Variants in L3MBTL2 observed in about 807,000 individuals in gnomAD.
L3MBTL2 encodes the protein lethal(3)malignant brain tumor-like protein 2.
In L3MBTL2, 49 loss-of-function variants were observed where a neutral mutation model predicts 86.4. That is an observed-to-expected ratio of 0.57 (90% confidence interval 0.45 to 0.72). L3MBTL2 has a LOEUF of 0.72. L3MBTL2 is among the 30% of genes least tolerant of loss of function. The pLI, the probability that L3MBTL2 is intolerant of heterozygous loss-of-function variation, is 0.00. For missense variants in L3MBTL2, 755 were observed against 923.7 expected (o/e 0.82, Z 2.37); for synonymous variants, 336 against 350.6 (o/e 0.96, Z 0.47).
chr22:41,214,205 A>T (rs2031146442), intron 3 of L3MBTL2, 179 bp downstream of exon 3: 3 of 607,540 alleles, frequency 4.9e-6, no homozygotes, highest in Non-Finnish European at 8.5e-6. Context: ...TTTTTAAATT[A>T]TAGGTTCCTG....
intron 15 of L3MBTL2, among the ~76,000 whole-genome samples, chr22:41,229,077 G>C (rs957400383): frequency 1.3e-5 from 2 of 152,046 alleles, no homozygotes; most frequent in Admixed American, 6.6e-5. Context: ...GGGCAACATA[G>C]CGAGACCCCT....
At chr22:41,226,796 C>T (rs770163537) in intron 13 of L3MBTL2, 52 bp downstream of exon 13, 1 of 1,260,838 alleles carries the variant, frequency 7.9e-7, no homozygotes, top group Non-Finnish European at 1.1e-6. Context: ...AGGACAGGCC[C>T]TGCCTGCTGC....
In L3MBTL2 at chr22:41,209,878, G is replaced by A; in HGVS notation, c.207G>A (p.Leu69=). The change falls in exon 2 of 17, where the codon CTG becomes CTA. Residue 69 remains leucine, a synonymous_variant. Transcript: ENST00000216237. ...CAGGGGAACTGCCGACCTCCCCGCT[G>A]CATTTGCTCAGCCCTGGGACTCCTC... ...REAGELPTSP[L]HLLSPGTPRS... The A allele has an allele frequency of 6.2e-7, 1 of 1,614,120 alleles. No individual in the cohort carries two copies. The highest frequency in any genetic ancestry group is 8.5e-7 in the Non-Finnish European group (1 of 1,179,996).
intron 12 of L3MBTL2, 117 bp from the exon 13 acceptor site, chr22:41,226,545 G>T: frequency 1.3e-6 from 1 of 752,384 alleles, no homozygotes; most frequent in South Asian, 1.4e-5. Flanking sequence ...GGCTGCTGGG[G>T]AGACTCCATG....
chr22:41,213,731 T>A, intron 2 of L3MBTL2, 162 bp from the exon 3 acceptor site: 1 of 733,438 alleles, frequency 1.4e-6, no homozygotes, highest in Middle Eastern at 4.0e-4. Context: ...AGATTCAGGA[T>A]ATACACACCA....
At chr22:41,210,143 CTTTT>C (rs869292228) in intron 2 of L3MBTL2, 559 of 162,338 alleles carry the variant, frequency 3.4e-3, no homozygotes, top group South Asian at 7.6e-3. Context: ...AGTCTAATTT[CTTTT>C]TTTTTTTTTT....
At chr22:41,207,342 CAA>C (rs1449434634) in intron 1 of L3MBTL2, among the ~76,000 whole-genome samples, 1 of 148,298 alleles carries the variant, frequency 6.7e-6, no homozygotes, top group Non-Finnish European at 1.5e-5. Flanking sequence ...CTCCCTGGCT[CAA>C]GAGTTCCTCC....
intron 2 of L3MBTL2, among the ~76,000 whole-genome samples, chr22:41,210,893 G>A (rs1474655032): frequency 1.3e-5 from 2 of 152,224 alleles, no homozygotes; most frequent in Non-Finnish European, 2.9e-5. Context: ...TTCCAACGTG[G>A]ATGTTGAGAA....
At position 41,216,125 on chromosome 22, in the gene L3MBTL2, GTCC is replaced by G. The variant is rs1569141827; in HGVS notation, c.397-8_397-6del. 2 of 1,608,962 alleles carry G rather than the reference GTCC, an allele frequency of 1.2e-6. No individual in the cohort carries two copies. The highest frequency in any genetic ancestry group is 1.1e-5 in the South Asian group (1 of 90,202). ...AGCCGCCAGGCTACACATAGCCTCT[GTCC>G]TCCTCTCCAGGGAAAACCACCGACC... is the stretch of plus-strand genomic sequence containing the variant. On this transcript the variant is annotated splice_polypyrimidine_tract_variant and intron_variant, in intron 3 of 16. Transcript: ENST00000216237.
At chr22:41,230,079 G>GGGCCC in intron 16 of L3MBTL2, 60 bp from the exon 17 acceptor site, 3 of 532,748 alleles carry the variant, frequency 5.6e-6, no homozygotes, top group Non-Finnish European at 5.9e-6. Context: ...CAGCTCCTCC[G>GGGCCC]CCCCCACCCC....
At chr22:41,228,282 C>G (rs2032331090) in intron 15 of L3MBTL2, 2 of 985,312 alleles carry the variant, frequency 2.0e-6, no homozygotes, top group Non-Finnish European at 2.4e-6. Flanking sequence ...ACCTCGAGAC[C>G]TCTTTGAGGG....
chr22:41,231,216 C>A lies in L3MBTL2; in HGVS notation c.*965C>A, dbSNP rs914084253. ...AGGACACATCTAGCTGCCATTGCAA[C>A]CTCACTGGGCTCCCCAGACTCTGTG... On this transcript the variant is annotated 3_prime_UTR_variant, in exon 17 of 17. Transcript: ENST00000216237. The A allele has an allele frequency of 2.0e-5, 3 of 152,214 alleles. No individual in the cohort carries two copies. Among genetic ancestry groups the A allele is most frequent in the African/African-American group, 7.2e-5 (3 of 41,436 alleles). 9.4% of individuals were successfully genotyped at this position (152,214 alleles called of 1,614,324 possible).
At chr22:41,228,299 A>G (rs938762249) in intron 15 of L3MBTL2, 1 of 908,200 alleles carries the variant, frequency 1.1e-6, no homozygotes, top group Non-Finnish European at 1.3e-6. Flanking sequence ...AGGGTGGGAG[A>G]GGGTGGGAGC....
At chr22:41,215,022 G>C (rs1244813830) in intron 3 of L3MBTL2, among the ~76,000 whole-genome samples, 1 of 151,982 alleles carries the variant, frequency 6.6e-6, no homozygotes, top group Non-Finnish European at 1.5e-5. Context: ...TTGATGCTTG[G>C]GTCCTACTCC....
chr22:41,205,414 G>A, intron 1 of L3MBTL2, 28 bp downstream of exon 1: 1 of 1,613,850 alleles, frequency 6.2e-7, no homozygotes, highest in Non-Finnish European at 8.5e-7. Flanking sequence ...TAGCGTGACT[G>A]GGAAAGGGAA....
At chr22:41,230,076 T>TCCACCCCC in intron 16 of L3MBTL2, 63 bp from the exon 17 acceptor site, 1 of 912,386 alleles carries the variant, frequency 1.1e-6, no homozygotes, top group South Asian at 1.6e-5. Flanking sequence ...TCCCAGCTCC[T>TCCACCCCC]CCGCCCCCAC....
rs1363671953 is a variant in L3MBTL2, at chr22:41,227,076, T to C, written c.1588-13T>C. ...CTGACTGGCTTGGCCACTGCCTCCT[T>C]TTTCTGCCCCAGGATTGCCCAAACC... On this transcript the variant is annotated splice_polypyrimidine_tract_variant and intron_variant, in intron 13 of 16. Coordinates refer to ENST00000216237, the MANE Select transcript of L3MBTL2 (RefSeq NM_031488.5). This position sits in a 1 kb window ranked among gnomAD's most constrained non-coding sequence, Gnocchi z 6.0. 1.8e-5 allele frequency: 29 copies of C among 1,600,984 alleles called. No individual in the cohort carries two copies. The highest frequency in any genetic ancestry group is 2.5e-5 in the Non-Finnish European group (29 of 1,174,238).
At chr22:41,219,812 G>A (rs1467809337) in intron 6 of L3MBTL2, among the ~76,000 whole-genome samples, 1 of 152,136 alleles carries the variant, frequency 6.6e-6, no homozygotes, top group Non-Finnish European at 1.5e-5. Flanking sequence ...CACGATCTCG[G>A]CTCACTGCAA....
At position 41,229,607 on chromosome 22, in the gene L3MBTL2, C is replaced by G. The variant is rs112599077; in HGVS notation, c.1956C>G (p.Asp652Glu). The part of the protein sequence containing the change: ...RQGSKKPLLE[D>E]DPQGARKISS... The stretch of plus-strand genomic sequence containing the variant: ...GGTCCAAGAAGCCCCTGCTGGAGGA[C>G]GACCCTCAGGGTGCCAGGAAGATCT... The change falls in exon 16 of 17, where the codon GAC becomes GAG. Residue 652 changes from aspartate (D) to glutamate (E), a missense_variant. This residue lies in a region of L3MBTL2 where 634 missense variants were observed against 748.9 expected (regional missense o/e 0.85). Coordinates refer to ENST00000216237, the MANE Select transcript of L3MBTL2 (RefSeq NM_031488.5). 6.2e-7 allele frequency: 1 copy of G among 1,613,810 alleles called. No homozygotes were observed. The highest frequency in any genetic ancestry group is 8.5e-7 in the Non-Finnish European group (1 of 1,179,836).
Sources: gnomAD v4.1 joint callset for allele counts (sites outside exome capture counted in the v4.1 genomes callset) on GRCh38, gnomAD v4.1.1 for gene constraint, gnomAD v4.1.1 regional missense constraint, Gnocchi (gnomAD v3.1) non-coding constraint, MANE v1.5 for transcripts, NCBI Gene and HGNC (gene_info 2026-07-23, HGNC 2026-07-21) for gene names.